Variants in EYA1 observed in about 807,000 individuals in gnomAD.
The protein encoded by EYA1 is protein phosphatase EYA1.
Under a neutral mutation model 82.0 loss-of-function variants are expected in EYA1, and 16 were observed. The ratio of observed to expected loss-of-function variants is 0.20; its 90% CI spans 0.13 to 0.30. EYA1 has a LOEUF of 0.30. Ranked by LOEUF, EYA1 falls within the 10% of genes least tolerant of loss-of-function variation. EYA1 has a pLI of 1.00. For synonymous variants in EYA1, 261 were observed against 264.4 expected, an observed-to-expected ratio of 0.99 and a Z score of 0.12; for missense variants, 633 against 730.7, an observed-to-expected ratio of 0.87 and a Z score of 1.54.
At chr8:71,365,051 C>T (rs1182945483), upstream of EYA1, among the ~76,000 whole-genome samples, 3 of 144,054 alleles carry the variant, frequency 2.1e-5, no homozygotes, top group African/African-American at 7.7e-5. Flanking sequence ...TTACAAATGT[C>T]ATGTATATAT....
chr8:71,408,115 C>A (rs1474165186), intron 2 of EYA1, among the ~76,000 whole-genome samples: 2 of 151,876 alleles, frequency 1.3e-5, no homozygotes, highest in African/African-American at 4.8e-5. Flanking sequence ...TCATATCCAG[C>A]CAAACTAAGC....
intron 9 of EYA1, among the ~76,000 whole-genome samples, chr8:71,280,774 G>A (rs530372289): frequency 1.3e-5 from 2 of 152,066 alleles, no homozygotes; most frequent in South Asian, 4.2e-4. Context: ...TTGGAGACAG[G>A]GTCTCACTCT....
rs1827387500 is a variant in EYA1, at chr8:71,361,665, A to T, written c.-73T>A. 1 of 985,372 alleles carries T rather than the reference A, an allele frequency of 1.0e-6. No homozygotes were observed. Among genetic ancestry groups the T allele is most frequent in the Non-Finnish European group, 1.2e-6 (1 of 829,938 alleles). 61.0% of individuals were successfully genotyped at this position (985,372 alleles called of 1,614,324 possible). A position where few individuals can be genotyped will look rare whatever the true frequency, so the allele number is the denominator to read the frequency against. On this transcript the variant is annotated 5_prime_UTR_variant, in exon 1 of 18. It removes an upstream start codon present in the reference 5' UTR. Coordinates refer to ENST00000340726, the MANE Select transcript of EYA1 (RefSeq NM_000503.6). ...TACTTACAGCGCTTACATCTGCTGC[A>T]TCCACCAGTTTAATGTGTTCCTTCG... is the stretch of plus-strand genomic sequence containing the variant.
At chr8:71,312,458 T>C (rs1245515466) in intron 7 of EYA1, among the ~76,000 whole-genome samples, 1 of 152,214 alleles carries the variant, frequency 6.6e-6, no homozygotes, top group Non-Finnish European at 1.5e-5. Context: ...ATTTAGTTAG[T>C]TTTTTGAAAA....
At chr8:71,327,347 C>T (rs1823279420) in intron 4 of EYA1, among the ~76,000 whole-genome samples, 1 of 152,212 alleles carries the variant, frequency 6.6e-6, no homozygotes, top group Non-Finnish European at 1.5e-5. Context: ...TTTTCTCCTC[C>T]AGAAGCATTC....
chr8:71,526,879 A>T (rs1386285223), intron 2 of EYA1, among the ~76,000 whole-genome samples: 1 of 152,180 alleles, frequency 6.6e-6, no homozygotes, highest in East Asian at 1.9e-4. Flanking sequence ...TAAAGGGAGG[A>T]GTATCAAAGA....
chr8:71,496,181 A>T (rs1051340298), intron 2 of EYA1, among the ~76,000 whole-genome samples: 14 of 152,222 alleles, frequency 9.2e-5, no homozygotes, highest in Non-Finnish European at 1.9e-4. Flanking sequence ...CAAGTCTGAT[A>T]ATCCCCAATT....
intron 16 of EYA1, 27 bp downstream of exon 16, chr8:71,215,360 G>T: frequency 6.2e-7 from 1 of 1,607,088 alleles, no homozygotes; most frequent in Non-Finnish European, 8.5e-7. Context: ...AGAGCTGATT[G>T]TTAAAAAGAA....
At chr8:71,315,819 A>G (rs1384355514) in intron 7 of EYA1, among the ~76,000 whole-genome samples, 2 of 152,208 alleles carry the variant, frequency 1.3e-5, no homozygotes, top group Non-Finnish European at 2.9e-5. Context: ...TCTACCAATA[A>G]ATGCTATCTG....
At chr8:71,299,427 T>C (rs1411347637) in intron 8 of EYA1, among the ~76,000 whole-genome samples, 194 bp from the exon 9 acceptor site, 1 of 152,220 alleles carries the variant, frequency 6.6e-6, no homozygotes, top group Non-Finnish European at 1.5e-5. Flanking sequence ...ATTCTTCATA[T>C]TTTTGCTTTT....
intron 2 of EYA1, among the ~76,000 whole-genome samples, chr8:71,385,083 C>CA (rs1462679216): frequency 6.6e-6 from 1 of 151,972 alleles, no homozygotes; most frequent in East Asian, 1.9e-4. Flanking sequence ...AATCTTGGCT[C>CA]ACTGCAGCCT....
intron 4 of EYA1, among the ~76,000 whole-genome samples, chr8:71,330,794 T>C (rs533877258): frequency 1.3e-5 from 2 of 152,232 alleles, no homozygotes; most frequent in South Asian, 4.1e-4. Context: ...CACAAAAACT[T>C]CCCAGATAGC....
In EYA1 at chr8:71,211,267, A is replaced by C; in HGVS notation, c.1598-11T>G. ...AACAGCTTTCTTTTCCTAGTGAACA[A>C]AAATAAATGATAGAAAATGTGAAGT... On this transcript the variant is annotated splice_polypyrimidine_tract_variant and intron_variant, in intron 16 of 17. Transcript: ENST00000340726. The C allele has an allele frequency of 1.3e-6, 2 of 1,542,922 alleles. No homozygotes were observed. Among genetic ancestry groups the C allele is most frequent in the Non-Finnish European group, 1.8e-6 (2 of 1,115,792 alleles).
chr8:71,479,626 A>G (rs1171612085), intron 2 of EYA1, among the ~76,000 whole-genome samples: 2 of 41,144 alleles, frequency 4.9e-5, no homozygotes, highest in Non-Finnish European at 9.1e-5. Flanking sequence ...TCTTTATGAA[A>G]AAAAAAAAAA....
chr8:71,490,249 A>T (rs1810894007), intron 2 of EYA1, among the ~76,000 whole-genome samples: 1 of 152,200 alleles, frequency 6.6e-6, no homozygotes, highest in African/African-American at 2.4e-5. Context: ...AACTTTTGAG[A>T]AGATGGTTGC....
chr8:71,370,814 G>A (rs374055923), intron 2 of EYA1, among the ~76,000 whole-genome samples: 1 of 151,274 alleles, frequency 6.6e-6, no homozygotes, highest in Non-Finnish European at 1.5e-5. Flanking sequence ...ACGTACAGAC[G>A]AGGTCTCACT....
chr8:71,403,099 T>C (rs954474815), intron 2 of EYA1, among the ~76,000 whole-genome samples: 2 of 152,156 alleles, frequency 1.3e-5, no homozygotes, highest in African/African-American at 4.8e-5. Flanking sequence ...ATATAGATAT[T>C]TTAAACTGTT....
At chr8:71,252,657 C>A (rs747235454) in intron 11 of EYA1, among the ~76,000 whole-genome samples, 2 of 152,056 alleles carry the variant, frequency 1.3e-5, no homozygotes, top group Non-Finnish European at 2.9e-5. Flanking sequence ...GAAAGATGAC[C>A]CAACTCTAGG....
At chr8:71,506,441 A>G (rs1812197597) in intron 2 of EYA1, among the ~76,000 whole-genome samples, 1 of 152,204 alleles carries the variant, frequency 6.6e-6, no homozygotes, top group Non-Finnish European at 1.5e-5. Flanking sequence ...TTTCCTGACT[A>G]TGATGCATGA....
Sources: gnomAD v4.1 joint callset for allele counts (sites outside exome capture counted in the v4.1 genomes callset) on GRCh38, gnomAD v4.1.1 for gene constraint, MANE v1.5 for transcripts, NCBI Gene and HGNC (gene_info 2026-07-23, HGNC 2026-07-21) for gene names.